Variants in ARFGAP3 observed in about 807,000 individuals in gnomAD.
ARFGAP3 encodes ADP-ribosylation factor GTPase-activating protein 3.
ARFGAP3 carries 72 observed loss-of-function variants against 75.0 expected under a neutral mutation model. That is an observed-to-expected ratio of 0.96 (90% CI 0.79 to 1.17). The LOEUF is 1.17. Among genes scored for constraint, ARFGAP3 ranks in the 50% most tolerant of loss-of-function variants. The probability of loss-of-function intolerance (pLI) is 0.00; values close to 1 mark genes in which losing one functional copy is unlikely to be tolerated. For synonymous variants in ARFGAP3, 221 were observed against 217.9 expected, an observed-to-expected ratio of 1.01 and a Z score of -0.13; for missense variants, 620 against 626.6, an observed-to-expected ratio of 0.99 and a Z score of 0.11.
At chr22:42,844,559 G>A (rs1204359160) in intron 2 of ARFGAP3, among the ~76,000 whole-genome samples, 11 of 147,898 alleles carry the variant, frequency 7.4e-5, no homozygotes, top group African/African-American at 2.0e-4. Context: ...CACTCCAGCC[G>A]AGGGGATAGA....
intron 7 of ARFGAP3, among the ~76,000 whole-genome samples, chr22:42,824,050 A>G (rs1378762024): frequency 2.7e-5 from 4 of 147,834 alleles, no homozygotes; most frequent in Non-Finnish European, 6.0e-5. Flanking sequence ...TTTTTTTGAG[A>G]CAGGGTCTCG....
chr22:42,856,057 T>A (rs1200315780), intron 1 of ARFGAP3, among the ~76,000 whole-genome samples: 2 of 151,724 alleles, frequency 1.3e-5, no homozygotes, highest in Admixed American at 6.6e-5. Context: ...AATAAATAAA[T>A]AAAAATGTGA....
chr22:42,846,638 A>C (rs1276543686), intron 2 of ARFGAP3, among the ~76,000 whole-genome samples: 1 of 152,216 alleles, frequency 6.6e-6, no homozygotes, highest in Non-Finnish European at 1.5e-5. Flanking sequence ...TCATTCACTC[A>C]GGCTTTGTGA....
At chr22:42,814,888 C>G (rs758724818) in intron 11 of ARFGAP3, among the ~76,000 whole-genome samples, 5 of 152,136 alleles carry the variant, frequency 3.3e-5, no homozygotes, top group Non-Finnish European at 7.4e-5. Context: ...GGCATGTCCA[C>G]CATGCTAGGC....
rs149705843 is a variant in ARFGAP3, at chr22:42,820,034, G to A, written c.813-2177C>T. 8.0e-3 allele frequency among the ~76,000 whole-genome samples: 1,223 copies of A among 152,240 alleles called. 10 individuals carry two copies. Among genetic ancestry groups the A allele is most frequent in the Middle Eastern group, 0.014 (4 of 294 alleles). On this transcript the variant is annotated intron_variant, in intron 9 of 15. Coordinates refer to ENST00000263245, the MANE Select transcript of ARFGAP3 (RefSeq NM_014570.5). ...TCTGGTTGTTGCTTCCTGTTTTCAG[G>A]AAGATTAGCATGTTAATATTAGAAG...
At chr22:42,852,636 C>T (rs1321176453) in intron 1 of ARFGAP3, among the ~76,000 whole-genome samples, 1 of 152,196 alleles carries the variant, frequency 6.6e-6, no homozygotes, top group Non-Finnish European at 1.5e-5. Flanking sequence ...GCTAGGATTA[C>T]AGGTGTGAGC....
chr22:42,841,040 C>G (rs368801873), intron 2 of ARFGAP3, 24 bp from the exon 3 acceptor site: 1 of 1,606,946 alleles, frequency 6.2e-7, no homozygotes, highest in Non-Finnish European at 8.5e-7. Flanking sequence ...ATATTACTAA[C>G]TGTTAATATT....
chr22:42,812,113 C>T (rs977981770), intron 11 of ARFGAP3, among the ~76,000 whole-genome samples: 16 of 150,006 alleles, frequency 1.1e-4, no homozygotes, highest in Non-Finnish European at 5.9e-5. Flanking sequence ...GGTGGCACGC[C>T]TATAGTCCCA....
intron 11 of ARFGAP3, among the ~76,000 whole-genome samples, chr22:42,816,154 C>T (rs149595670): frequency 1.3e-5 from 2 of 152,136 alleles, no homozygotes; most frequent in African/African-American, 4.8e-5. Flanking sequence ...GACTGAATCA[C>T]ATCTCTTAAA....
At chr22:42,831,960 T>G (rs983502591) in intron 5 of ARFGAP3, among the ~76,000 whole-genome samples, 3 of 151,954 alleles carry the variant, frequency 2.0e-5, no homozygotes, top group Non-Finnish European at 2.9e-5. Flanking sequence ...AGTTTAAATT[T>G]TTTGTAGAGA....
At chr22:42,853,434 G>T in intron 1 of ARFGAP3, 2 of 220,828 alleles carry the variant, frequency 9.1e-6, no homozygotes, top group South Asian at 1.6e-4. Context: ...CACTGAGCTT[G>T]AACAAGGGAA....
intron 2 of ARFGAP3, among the ~76,000 whole-genome samples, chr22:42,842,011 CTTTTT>C (rs55825441): frequency 5.5e-5 from 5 of 91,244 alleles, no homozygotes; most frequent in Admixed American, 1.3e-4. Flanking sequence ...CCATGCCGGG[CTTTTT>C]TTTTTTTTTT....
intron 3 of ARFGAP3, 89 bp downstream of exon 3, chr22:42,840,855 G>A: frequency 7.6e-7 from 1 of 1,317,334 alleles, no homozygotes. Context: ...ACAGGCATGA[G>A]CCACTGCACC....
intron 13 of ARFGAP3, 184 bp from the exon 14 acceptor site, chr22:42,807,347 G>T: frequency 2.5e-6 from 2 of 808,862 alleles, no homozygotes; most frequent in Non-Finnish European, 3.0e-6. Context: ...GTTCTGCATG[G>T]GAGGCAGGTC....
At chr22:42,800,595 C>T (rs1322167414) in intron 14 of ARFGAP3, among the ~76,000 whole-genome samples, 3 of 152,216 alleles carry the variant, frequency 2.0e-5, no homozygotes, top group South Asian at 4.1e-4. Flanking sequence ...TGACAAGTTA[C>T]CCTGCAACGT....
At position 42,799,054 on chromosome 22, in the gene ARFGAP3, G is replaced by C. The variant is rs762282981; in HGVS notation, c.1518C>G (p.Val506=). ...TTCCACTGACCTGAATTGAAGTCAC[G>C]ACTCCATTAGCAAAGACGGAGAGTT... is the stretch of plus-strand genomic sequence containing the variant. ...AGKLSVFANG[V]VTSIQDRYGS The change falls in exon 15 of 16, where the codon GTC becomes GTG. Residue 506 remains valine, a synonymous_variant. Transcript: ENST00000263245. The C allele has an allele frequency of 6.8e-6, 11 of 1,614,094 alleles. No individual in the cohort carries two copies. The highest frequency in any genetic ancestry group is 9.3e-6 in the Non-Finnish European group (11 of 1,180,016).
chr22:42,848,774 TG>T (rs1927138713), intron 1 of ARFGAP3, among the ~76,000 whole-genome samples: 1 of 152,304 alleles, frequency 6.6e-6, no homozygotes, highest in South Asian at 2.1e-4. Flanking sequence ...GACTCCAAGA[TG>T]GCCCCAGTGA....
At chr22:42,815,498 T>C (rs2146539353) in intron 11 of ARFGAP3, among the ~76,000 whole-genome samples, 2 of 152,228 alleles carry the variant, frequency 1.3e-5, no homozygotes, top group Admixed American at 1.3e-4. Flanking sequence ...GTATTCTTTA[T>C]ACAATTCCTT....
chr22:42,806,779 T>A, intron 14 of ARFGAP3, among the ~76,000 whole-genome samples: 1 of 152,168 alleles, frequency 6.6e-6, no homozygotes, highest in Non-Finnish European at 1.5e-5. Context: ...AAGGCTAAGA[T>A]AGCACATGGT....
Sources: gnomAD v4.1 joint callset for allele counts (sites outside exome capture counted in the v4.1 genomes callset) on GRCh38, gnomAD v4.1.1 for gene constraint, MANE v1.5 for transcripts, NCBI Gene and HGNC (gene_info 2026-07-23, HGNC 2026-07-21) for gene names.